The following ABR variants were observed in gnomAD, a reference collection of about 807,000 sequenced individuals.
The protein encoded by ABR is ABR activator of RhoGEF and GTPase.
A neutral mutation model predicts 107.2 loss-of-function variants in ABR; 35 were observed. The ratio of observed to expected loss-of-function variants is 0.33; its 90% CI spans 0.25 to 0.43. The LOEUF is 0.43. ABR is among the 20% of genes least tolerant of loss of function. The pLI is 1.00. For missense variants in ABR, 815 were observed against 1,115.2 expected, an observed-to-expected ratio of 0.73 and a Z score of 3.83; for synonymous variants, 498 against 462.0, an observed-to-expected ratio of 1.08 and a Z score of -1.00.
chr17:1,055,940 C>G, intron 14 of ABR, 95 bp downstream of exon 14: 1 of 1,206,770 alleles, frequency 8.3e-7, no homozygotes, highest in Non-Finnish European at 1.2e-6. Flanking sequence ...GGGAATGCCC[C>G]ATGTCTAAAG....
intron 1 of ABR, among the ~76,000 whole-genome samples, chr17:1,161,403 G>T (rs2041287958): frequency 9.4e-6 from 1 of 106,034 alleles, no homozygotes; most frequent in Non-Finnish European, 1.9e-5. Flanking sequence ...CACCACACCT[G>T]GCTAATTTTT....
At chr17:1,177,617 A>G (rs1235829777) in intron 1 of ABR, among the ~76,000 whole-genome samples, 1 of 151,954 alleles carries the variant, frequency 6.6e-6, no homozygotes, top group Non-Finnish European at 1.5e-5. Flanking sequence ...GGAAATGATC[A>G]GCTCAGAGGA....
Position 1,037,675 on chromosome 17 carries a change from G to C in ABR, c.1791+12375C>G, listed in dbSNP as rs565299885. On this transcript the variant is annotated intron_variant, in intron 16 of 22. Coordinates refer to ENST00000302538, the MANE Select transcript of ABR (RefSeq NM_021962.5). The surrounding 1 kb of genome is among the most constrained non-coding windows in gnomAD (Gnocchi z 4.6). The stretch of plus-strand genomic sequence containing the variant: ...CTTGCCTGCTCCTCCTCCCGGGAAG[G>C]AGGGGGTGTGGCCGGGTCTCCCAGC... Among the ~76,000 whole-genome samples the C allele has an allele frequency of 4.9e-4, 74 of 152,186 alleles. No individual in the cohort carries two copies. The highest frequency in any genetic ancestry group is 9.7e-4 in the Non-Finnish European group (66 of 68,032).
intron 1 of ABR, among the ~76,000 whole-genome samples, chr17:1,198,497 C>T (rs1373738273): frequency 6.6e-6 from 1 of 151,424 alleles, no homozygotes; most frequent in Non-Finnish European, 1.5e-5. Flanking sequence ...AATCCCAGCA[C>T]TTTGGGAGGC....
chr17:1,143,048 G>A (rs111400772), intron 1 of ABR, among the ~76,000 whole-genome samples: 79 of 96,578 alleles, frequency 8.2e-4, no homozygotes, highest in South Asian at 1.5e-3. Flanking sequence ...TTCCTGGGGG[G>A]CAGCTCGCTC....
intron 5 of ABR, among the ~76,000 whole-genome samples, chr17:1,080,546 C>G (rs899868361): frequency 2.6e-5 from 4 of 151,724 alleles, no homozygotes; most frequent in African/African-American, 9.7e-5. Context: ...CGGTCAGGTG[C>G]CCAGGTGATG....
At chr17:1,165,767 A>T (rs1567849060) in intron 1 of ABR, among the ~76,000 whole-genome samples, 1 of 152,220 alleles carries the variant, frequency 6.6e-6, no homozygotes, top group Non-Finnish European at 1.5e-5. Context: ...TCATGACCTC[A>T]GGTGATCCTC....
At chr17:1,137,191 C>T (rs2040106032) in intron 1 of ABR, among the ~76,000 whole-genome samples, 1 of 152,088 alleles carries the variant, frequency 6.6e-6, no homozygotes, top group South Asian at 2.1e-4. Context: ...TTACAGGCGC[C>T]CGCCACCACG....
intron 1 of ABR, among the ~76,000 whole-genome samples, chr17:1,136,390 G>A (rs2040069108): frequency 1.1e-5 from 1 of 93,284 alleles, no homozygotes; most frequent in Non-Finnish European, 2.5e-5. Context: ...CACCAGGCCT[G>A]GCTGATTTTT....
chr17:1,086,760 C>G (rs1310856774), intron 4 of ABR, among the ~76,000 whole-genome samples: 1 of 152,148 alleles, frequency 6.6e-6, no homozygotes, highest in Non-Finnish European at 1.5e-5. Context: ...CTCCGCCTCC[C>G]AAAGTGCTGG....
In ABR at chr17:1,101,922, C is replaced by A. The variant is rs369909178; in HGVS notation, c.247-1187G>T. On this transcript the variant is annotated intron_variant, in intron 2 of 22. Transcript: ENST00000302538. ...CTAACTTTTTGTATTTTTAGTAGAG[C>A]CGGGATTTCACCGTGTTAGCCAGGA... Among the ~76,000 whole-genome samples, 364 of 151,926 alleles carry A rather than the reference C, an allele frequency of 2.4e-3. 2 individuals are homozygous for A. The highest frequency in any genetic ancestry group is 5.4e-3 in the African/African-American group (225 of 41,454).
intron 16 of ABR, 151 bp downstream of exon 16, chr17:1,049,899 G>C (rs1246337727): frequency 5.4e-6 from 6 of 1,102,372 alleles, no homozygotes; most frequent in Non-Finnish European, 7.7e-6. Flanking sequence ...GCCACCTCTA[G>C]CAGGGAGGGG....
rs550485492 is a variant in ABR at position 1,150,464 on chromosome 17, G to A, written c.62-25097C>T. On this transcript the variant is annotated intron_variant, in intron 1 of 22. Transcript: ENST00000302538. The surrounding 1 kb of genome is among the most constrained non-coding windows in gnomAD (Gnocchi z 4.8). The stretch of plus-strand genomic sequence containing the variant: ...AGATTCGTCCAGACACAAAGAGGAG[G>A]GTGGTGGCCAGGAGCTGCAAGCAGC... 2.0e-5 allele frequency among the ~76,000 whole-genome samples: 3 copies of A among 152,284 alleles called. No homozygotes were observed. The East Asian group carries it at 5.8e-4, about 29-fold the overall frequency.
In ABR at chr17:1,221,754, A is replaced by C. The variant is rs80105057; in HGVS notation, c.838+7039T>G. Among the ~76,000 whole-genome samples the C allele has an allele frequency of 3.8e-4, 58 of 152,280 alleles. 2 individuals are homozygous for C. The East Asian group carries it at 0.011, about 29-fold the overall frequency. On this transcript the variant is annotated intron_variant, in intron 1 of 22. Transcript: ENST00000574139. ...GCAATGGCAGAAAGGATCTGCGTAGAAAACAGAATATAAGAAGCCAGATGG... is the reference window on the plus strand; with the variant it reads ...GCAATGGCAGAAAGGATCTGCGTAGCAAACAGAATATAAGAAGCCAGATGG...
At position 1,011,893 on chromosome 17, in the gene ABR, G is replaced by A; in HGVS notation, c.2054C>T (p.Ser685Leu). The A allele has an allele frequency of 6.2e-7, 1 of 1,607,962 alleles. No homozygotes were observed. The highest frequency in any genetic ancestry group is 8.5e-7 in the Non-Finnish European group (1 of 1,175,546). ...CGCCTGGATGTCCGTGGCCACGCCC[G>A]ATATCCTGTAGATGCCAACCTCCTC... ...GIEEVGIYRI[S>L]GVATDIQALK... Residue 685 changes from serine to leucine, a missense_variant, in exon 19 of 23, where the codon TCG becomes TTG. Ser to Leu is a moderately radical substitution (Grantham distance 145, BLOSUM62 -2). Transcript: ENST00000302538. The surrounding 1 kb of genome is among the most constrained non-coding windows in gnomAD (Gnocchi z 4.8).
At chr17:1,043,904 G>A (rs958472540) in intron 16 of ABR, among the ~76,000 whole-genome samples, 6 of 152,228 alleles carry the variant, frequency 3.9e-5, no homozygotes, top group African/African-American at 9.6e-5. Flanking sequence ...ACGCAGGGCC[G>A]GGGGGCGGGC....
intron 1 of ABR, among the ~76,000 whole-genome samples, chr17:1,205,400 C>G (rs2042770155): frequency 6.6e-6 from 1 of 152,204 alleles, no homozygotes; most frequent in Non-Finnish European, 1.5e-5. Context: ...AATGTATCAT[C>G]TGTAACAGCC....
chr17:1,009,443 A>G (rs1173171442), intron 21 of ABR, among the ~76,000 whole-genome samples: 1 of 152,188 alleles, frequency 6.6e-6, no homozygotes, highest in African/African-American at 2.4e-5. Context: ...ACGGGACCCA[A>G]ATATTTCTCA....
intron 2 of ABR, chr17:1,109,034 T>G (rs1259204962): frequency 6.3e-7 from 1 of 1,598,144 alleles, no homozygotes; most frequent in South Asian, 1.1e-5. Context: ...CAGAACCTTG[T>G]CCAGCAAGCC....
Sources: allele counts gnomAD v4.1 joint callset (sites outside exome capture counted in the v4.1 genomes callset), GRCh38; gene constraint gnomAD v4.1.1; non-coding constraint Gnocchi (gnomAD v3.1); transcripts MANE v1.5; gene names NCBI Gene and HGNC (gene_info 2026-07-23, HGNC 2026-07-21).